The following RXFP1 variants were observed in gnomAD, a reference collection of about 807,000 sequenced individuals.
RXFP1 encodes relaxin family peptide receptor 1.
Under a neutral mutation model 89.8 loss-of-function variants are expected in RXFP1, and 73 were observed. The observed-to-expected ratio is 0.81, with a 90% CI of 0.67 to 0.99. The LOEUF (loss-of-function observed/expected upper bound fraction) is 0.99, where lower values mean the gene tolerates loss of function less well. Ranked by LOEUF, RXFP1 falls within the 50% of genes least tolerant of loss-of-function variation. The pLI is 0.00. For synonymous variants in RXFP1, 277 were observed against 305.5 expected (o/e 0.91, Z 0.97); for missense variants, 793 against 895.5 (o/e 0.89, Z 1.46).
At chr4:158,532,996 C>CA (rs1171586749) in intron 1 of RXFP1, among the ~76,000 whole-genome samples, 3 of 152,192 alleles carry the variant, frequency 2.0e-5, no homozygotes, top group African/African-American at 7.2e-5. Context: ...ACCAAAGGGA[C>CA]AGGGTGCTTC....
chr4:158,615,224 CACA>C (rs985425757), intron 8 of RXFP1, among the ~76,000 whole-genome samples: 4 of 152,068 alleles, frequency 2.6e-5, no homozygotes, highest in African/African-American at 9.7e-5. Context: ...TCAGAACACA[CACA>C]ACATTTATTG....
chr4:158,548,593 TG>T lies in RXFP1; in HGVS notation c.50-24104del, dbSNP rs1749184269. ...TGGTTTTGCAGTGGCTGGTACTGGTTGTTCCTTTCCTTGTTTAGTGCTTCCT... is the reference window on the plus strand; with the variant it reads ...TGGTTTTGCAGTGGCTGGTACTGGTTTTCCTTTCCTTGTTTAGTGCTTCCT... On this transcript the variant is annotated intron_variant, in intron 1 of 17. Coordinates refer to ENST00000307765, the MANE Select transcript of RXFP1 (RefSeq NM_021634.4). Among the ~76,000 whole-genome samples, 3 of 152,230 alleles carry T rather than the reference TG, an allele frequency of 2.0e-5. No homozygotes were observed. In the South Asian group the frequency reaches 6.2e-4, roughly 32 times the overall value.
Position 158,562,449 on chromosome 4 carries a change from G to A in RXFP1, c.50-10249G>A, listed in dbSNP as rs908154946. ...TGAGGCAGGAGAATGGCGTGAACCC[G>A]GGAGGCGGAGCTTGCAGTGAGCCGA... On this transcript the variant is annotated intron_variant, in intron 1 of 17. Transcript: ENST00000307765. Among the ~76,000 whole-genome samples, 6 of 140,600 alleles carry A rather than the reference G, an allele frequency of 4.3e-5. No homozygotes were observed. The South Asian group carries it at 7.1e-4, about 17-fold the overall frequency. The allele number at this position is 140,600 out of a possible 152,430, so 92.2% of individuals were successfully genotyped here. A position where few individuals can be genotyped will look rare whatever the true frequency, so the allele number is the denominator to read the frequency against.
At chr4:158,633,294 A>G (rs1366334160) in intron 11 of RXFP1, 111 bp from the exon 12 acceptor site, 1 of 664,772 alleles carries the variant, frequency 1.5e-6, no homozygotes, top group Non-Finnish European at 2.7e-6. Context: ...TGATTAATAT[A>G]ACTCACCAAT....
chr4:158,651,983 G>A lies in RXFP1; in HGVS notation c.2202G>A (p.Lys734=), dbSNP rs1352616810. The part of the protein sequence containing the change: ...PLQEMPPELM[K]PDLFTYPCEM... Reference sequence around the variant, plus strand: ...AGGAGATGCCACCTGAGTTAATGAAGCCGGACCTTTTCACATACCCCTGTG... The same window carrying A: ...AGGAGATGCCACCTGAGTTAATGAAACCGGACCTTTTCACATACCCCTGTG... Residue 734 remains lysine (K), a synonymous_variant, in exon 18 of 18, where the codon AAG becomes AAA. Transcript: ENST00000307765. 6.2e-7 allele frequency: 1 copy of A among 1,614,030 alleles called. No individual in the cohort carries two copies. Among genetic ancestry groups the A allele is most frequent in the African/African-American group, 1.3e-5 (1 of 74,920 alleles).
At chr4:158,547,443 A>C (rs1195644004) in intron 1 of RXFP1, among the ~76,000 whole-genome samples, 1 of 151,604 alleles carries the variant, frequency 6.6e-6, no homozygotes, top group Admixed American at 6.6e-5. Flanking sequence ...TTGTGTCTCT[A>C]TTTCCTTCAG....
At chr4:158,638,725 A>G (rs1431532241) in intron 13 of RXFP1, among the ~76,000 whole-genome samples, 1 of 151,614 alleles carries the variant, frequency 6.6e-6, no homozygotes, top group African/African-American at 2.4e-5. Context: ...TGAGGTGGGA[A>G]CATTGCTTGA....
intron 1 of RXFP1, among the ~76,000 whole-genome samples, chr4:158,535,529 A>G (rs528140529): frequency 6.6e-6 from 1 of 152,224 alleles, no homozygotes; most frequent in East Asian, 1.9e-4. Flanking sequence ...CAAATTACCA[A>G]AAATGGACTA....
At chr4:158,546,768 T>C (rs1191430944) in intron 1 of RXFP1, among the ~76,000 whole-genome samples, 2 of 152,052 alleles carry the variant, frequency 1.3e-5, no homozygotes, top group African/African-American at 4.8e-5. Flanking sequence ...TTTCCATATG[T>C]TGAACCAGCC....
At chr4:158,546,505 G>T (rs1002022094) in intron 1 of RXFP1, among the ~76,000 whole-genome samples, 6 of 152,176 alleles carry the variant, frequency 3.9e-5, no homozygotes, top group Non-Finnish European at 8.8e-5. Context: ...GGAATGGTGA[G>T]AGAGGGCATC....
chr4:158,541,350 G>GCACACA (rs58856633), intron 1 of RXFP1, among the ~76,000 whole-genome samples: 3,265 of 139,762 alleles, frequency 0.023, 120 homozygotes, highest in African/African-American at 0.071. Context: ...AGAGCTTCAT[G>GCACACA]CACACACACA....
intron 1 of RXFP1, among the ~76,000 whole-genome samples, chr4:158,557,110 A>G (rs1178073821): frequency 1.3e-5 from 2 of 152,190 alleles, no homozygotes; most frequent in Non-Finnish European, 2.9e-5. Context: ...TGATAAATAC[A>G]TGAGATGATG....
At chr4:158,613,342 A>T (rs1426010267) in intron 8 of RXFP1, among the ~76,000 whole-genome samples, 1 of 152,214 alleles carries the variant, frequency 6.6e-6, no homozygotes, top group Non-Finnish European at 1.5e-5. Flanking sequence ...TTCATGAAAG[A>T]TTTCTCTATG....
intron 1 of RXFP1, chr4:158,544,298 C>T: frequency 2.0e-6 from 2 of 985,028 alleles, no homozygotes; most frequent in Non-Finnish European, 2.4e-6. Flanking sequence ...CTTGGAATGC[C>T]CTGAGCAACA....
chr4:158,622,198 C>T (rs746774979), intron 9 of RXFP1, among the ~76,000 whole-genome samples: 1 of 152,102 alleles, frequency 6.6e-6, no homozygotes, highest in Non-Finnish European at 1.5e-5. Context: ...GTAATCCCAG[C>T]TACACAAGAA....
At chr4:158,547,046 C>G (rs1748638554) in intron 1 of RXFP1, among the ~76,000 whole-genome samples, 2 of 152,138 alleles carry the variant, frequency 1.3e-5, no homozygotes, top group African/African-American at 2.4e-5. Flanking sequence ...CCTTGTACCT[C>G]TGGTAGAATT....
At chr4:158,601,482 T>C (rs1377686256) in intron 4 of RXFP1, among the ~76,000 whole-genome samples, 2 of 152,198 alleles carry the variant, frequency 1.3e-5, no homozygotes, top group African/African-American at 4.8e-5. Context: ...ATGTCTACGG[T>C]ATTTTTTATT....
At chr4:158,522,214 C>T (rs1741345483) in intron 1 of RXFP1, among the ~76,000 whole-genome samples, 189 bp downstream of exon 1, 1 of 152,280 alleles carries the variant, frequency 6.6e-6, no homozygotes, top group African/African-American at 2.4e-5. Flanking sequence ...AATATCTTAT[C>T]ATAGTCAATA....
intron 2 of RXFP1, among the ~76,000 whole-genome samples, chr4:158,578,794 T>C (rs540930523): frequency 1.3e-5 from 2 of 152,074 alleles, no homozygotes; most frequent in African/African-American, 4.8e-5. Flanking sequence ...AGCAGCCTTG[T>C]CTACAGGAAA....
Sources: gnomAD v4.1 joint callset for allele counts (sites outside exome capture counted in the v4.1 genomes callset) on GRCh38, gnomAD v4.1.1 for gene constraint, MANE v1.5 for transcripts, NCBI Gene and HGNC (gene_info 2026-07-23, HGNC 2026-07-21) for gene names.